The following IQGAP2 variants were observed in gnomAD, a reference collection of about 807,000 sequenced individuals.
IQGAP2 encodes IQ motif containing GTPase activating protein 2.
In IQGAP2, 173 loss-of-function variants were observed where a neutral mutation model predicts 201.3. The observed-to-expected ratio is 0.86, with a 90% CI of 0.76 to 0.98. IQGAP2 has a LOEUF of 0.98. Among genes scored for constraint, IQGAP2 ranks in the 50% least tolerant of loss-of-function variants. The pLI is 0.00. For missense variants in IQGAP2, 1,687 were observed against 1,864.8 expected (o/e 0.90, Z 1.76); for synonymous variants, 675 against 673.9 (o/e 1.00, Z -0.03).
chr5:76,627,265 G>C lies in IQGAP2; in HGVS notation c.1522-145G>C. 5 of 662,116 alleles carry C rather than the reference G, an allele frequency of 7.6e-6. No individual in the cohort carries two copies. In the South Asian group the frequency reaches 9.2e-5, roughly 12 times the overall value. 41.0% of individuals were successfully genotyped at this position (662,116 alleles called of 1,614,324 possible). ...GGGTTTGGGGTCTGCTTCATTAGGA[G>C]TGTGTACAGTATATGGCAGAGCTGG... On this transcript the variant is annotated intron_variant, in intron 13 of 35. Transcript: ENST00000274364.
At chr5:76,679,248 T>G (rs1745082170) in intron 28 of IQGAP2, among the ~76,000 whole-genome samples, 2 of 152,262 alleles carry the variant, frequency 1.3e-5, no homozygotes, top group South Asian at 4.1e-4. Context: ...AAAATGTTAC[T>G]GTATTAATTT....
intron 2 of IQGAP2, among the ~76,000 whole-genome samples, chr5:76,552,738 CTT>C (rs1743645218): frequency 1.3e-5 from 2 of 152,182 alleles, no homozygotes; most frequent in South Asian, 4.1e-4. Context: ...AACAGTCTCT[CTT>C]AGCATCTGAG....
intron 2 of IQGAP2, among the ~76,000 whole-genome samples, chr5:76,479,587 AC>A (rs1755654578): frequency 6.6e-6 from 1 of 151,972 alleles, no homozygotes; most frequent in African/African-American, 2.4e-5. Flanking sequence ...GGTGCTCCTC[AC>A]CCTTCCATTT....
chr5:76,419,553 G>C lies in IQGAP2; in HGVS notation c.46+15962G>C, dbSNP rs181758696. On this transcript the variant is annotated intron_variant, in intron 1 of 35. Coordinates refer to ENST00000274364, the MANE Select transcript of IQGAP2 (RefSeq NM_006633.5). ...GGGTTTCACCACGTTGGCCAGGCTG[G>C]TCTCGAACTCCTGATCTCAAGTGAT... Among the ~76,000 whole-genome samples, 342 of 152,184 alleles carry C rather than the reference G, an allele frequency of 2.2e-3. 3 individuals are homozygous for C. Among genetic ancestry groups the C allele is most frequent in the Non-Finnish European group, 2.1e-3 (144 of 68,000 alleles).
chr5:76,503,174 C>CTTTTTTTTTTTTTTTTTTTTTT (rs11297908), intron 2 of IQGAP2, among the ~76,000 whole-genome samples: 2 of 109,354 alleles, frequency 1.8e-5, no homozygotes, highest in African/African-American at 3.6e-5. Context: ...CTTTTCTTTT[C>CTTTTTTTTTTTTTTTTTTTTTT]TTTTTTTTTT....
At chr5:76,515,963 G>C (rs571198666) in intron 2 of IQGAP2, among the ~76,000 whole-genome samples, 3 of 139,778 alleles carry the variant, frequency 2.1e-5, no homozygotes, top group Admixed American at 1.5e-4. Flanking sequence ...CTGCAGCCTT[G>C]ACCTCCCAGG....
chr5:76,680,368 A>G (rs1745171631), intron 28 of IQGAP2, among the ~76,000 whole-genome samples: 1 of 152,192 alleles, frequency 6.6e-6, no homozygotes, highest in Non-Finnish European at 1.5e-5. Flanking sequence ...GTAAGAGCTA[A>G]AACTATAGAT....
intron 1 of IQGAP2, among the ~76,000 whole-genome samples, chr5:76,432,717 T>C (rs1752443531): frequency 6.6e-6 from 1 of 152,254 alleles, no homozygotes; most frequent in Admixed American, 6.5e-5. Flanking sequence ...ACTTCCTACC[T>C]GTATAACATT....
At chr5:76,629,570 C>G (rs748127273) in intron 14 of IQGAP2, among the ~76,000 whole-genome samples, 1 of 152,148 alleles carries the variant, frequency 6.6e-6, no homozygotes, top group Non-Finnish European at 1.5e-5. Context: ...CCTAAGGAAT[C>G]TTTTTAGACA....
At chr5:76,480,314 C>A (rs955719794) in intron 2 of IQGAP2, among the ~76,000 whole-genome samples, 1 of 152,158 alleles carries the variant, frequency 6.6e-6, no homozygotes, top group Non-Finnish European at 1.5e-5. Context: ...AGGTCCTCTT[C>A]TCTCAAACAT....
chr5:76,700,673 T>C (rs1253950275), intron 33 of IQGAP2, among the ~76,000 whole-genome samples: 3 of 152,238 alleles, frequency 2.0e-5, no homozygotes, highest in African/African-American at 7.2e-5. Context: ...CTTAGAACAA[T>C]GCTAGCCACA....
chr5:76,658,241 A>C (rs1742928729), intron 20 of IQGAP2, among the ~76,000 whole-genome samples: 1 of 152,184 alleles, frequency 6.6e-6, no homozygotes, highest in Non-Finnish European at 1.5e-5. Flanking sequence ...GATAACTAGA[A>C]AAGAGTGGGG....
rs756010579 is a variant in IQGAP2 at position 76,464,192 on chromosome 5, A to C, written c.146+2523A>C. ...GAAAGAAGCTGATTTTTGGTCATGG[A>C]TTATATAAAAATTTGTGGCTACTAC... On this transcript the variant is annotated intron_variant, in intron 2 of 35. Transcript: ENST00000274364. Among the ~76,000 whole-genome samples, 5 of 152,312 alleles carry C rather than the reference A, an allele frequency of 3.3e-5. No individual in the cohort carries two copies. In the South Asian group the frequency reaches 8.3e-4, roughly 25 times the overall value.
chr5:76,690,380 G>T (rs1746158636), intron 30 of IQGAP2, among the ~76,000 whole-genome samples: 1 of 152,184 alleles, frequency 6.6e-6, no homozygotes. Context: ...AGGAGCTGCT[G>T]ATTTGGAAAG....
intron 10 of IQGAP2, among the ~76,000 whole-genome samples, chr5:76,599,789 T>C (rs1747302265): frequency 6.6e-6 from 1 of 152,202 alleles, no homozygotes; most frequent in Non-Finnish European, 1.5e-5. Context: ...GTAAAATATG[T>C]ATCAGCTTTT....
chr5:76,658,432 A>C, intron 20 of IQGAP2, 27 bp from the exon 21 acceptor site: 1 of 1,553,186 alleles, frequency 6.4e-7, no homozygotes, highest in Non-Finnish European at 8.9e-7. Flanking sequence ...TTTCCTAATT[A>C]AAGTATACCT....
At chr5:76,678,661 A>G (rs113274943) in intron 28 of IQGAP2, among the ~76,000 whole-genome samples, 1 of 152,196 alleles carries the variant, frequency 6.6e-6, no homozygotes, top group Non-Finnish European at 1.5e-5. Flanking sequence ...TTCAAGTTCT[A>G]GATGCTTCAG....
chr5:76,520,150 C>T (rs1758580991), intron 2 of IQGAP2, among the ~76,000 whole-genome samples: 1 of 150,244 alleles, frequency 6.7e-6, no homozygotes, highest in Non-Finnish European at 1.5e-5. Flanking sequence ...TTTTTTTTTC[C>T]CAAGAGTTTT....
At chr5:76,491,184 T>C (rs183249397) in intron 2 of IQGAP2, among the ~76,000 whole-genome samples, 1 of 152,178 alleles carries the variant, frequency 6.6e-6, no homozygotes, top group African/African-American at 2.4e-5. Flanking sequence ...TGTATAAACA[T>C]GATGAAACTA....
Sources: allele counts gnomAD v4.1 joint callset (sites outside exome capture counted in the v4.1 genomes callset), GRCh38; gene constraint gnomAD v4.1.1; transcripts MANE v1.5; gene names NCBI Gene and HGNC (gene_info 2026-07-23, HGNC 2026-07-21).